COL11A2: variants seen among roughly 807,000 people sequenced by gnomAD.
COL11A2 encodes collagen type XI alpha 2 chain.
Under a neutral mutation model 273.4 loss-of-function variants are expected in COL11A2, and 116 were observed. That is an observed-to-expected ratio of 0.42 (90% CI 0.36 to 0.49). The LOEUF is 0.49. Ranked by LOEUF, COL11A2 falls within the 20% of genes least tolerant of loss-of-function variation. COL11A2 has a pLI of 0.00. For synonymous variants in COL11A2, 782 were observed against 864.2 expected, an observed-to-expected ratio of 0.90 and a Z score of 1.67; for missense variants, 1,866 against 2,309.0, an observed-to-expected ratio of 0.81 and a Z score of 3.93.
In COL11A2 at chr6:33,163,600, G is replaced by A; in HGVS notation, c.*78C>T. 6.2e-7 allele frequency: 1 copy of A among 1,607,122 alleles called. No individual in the cohort carries two copies. The highest frequency in any genetic ancestry group is 2.2e-5 in the East Asian group (1 of 44,806). On this transcript the variant is annotated 3_prime_UTR_variant, in exon 66 of 66. Transcript: ENST00000341947. This position sits in a 1 kb window ranked among gnomAD's most constrained non-coding sequence, Gnocchi z 4.1. ...TCCCTAGATAGTGAGGAGCCCTCTT[G>A]GGAGGTGGCACAGAGCTGATGTTGT... is the stretch of plus-strand genomic sequence containing the variant.
chr6:33,176,561 T>G lies in COL11A2; in HGVS notation c.2116-75A>C, dbSNP rs1770937903. 4 of 1,464,590 alleles carry G rather than the reference T, an allele frequency of 2.7e-6. No homozygotes were observed. In the Admixed American group the frequency reaches 6.9e-5, roughly 25 times the overall value. 90.7% of individuals were successfully genotyped at this position (1,464,590 alleles called of 1,614,324 possible). A position where few individuals can be genotyped will look rare whatever the true frequency, so the allele number is the denominator to read the frequency against. ...TGGGGGCCTCCAGGGGTGGAAGAAATGGAAGTAACAACATTGCTGTCTGGG... is the reference window on the plus strand; with the variant it reads ...TGGGGGCCTCCAGGGGTGGAAGAAAGGGAAGTAACAACATTGCTGTCTGGG... On this transcript the variant is annotated intron_variant, in intron 26 of 65. Coordinates refer to ENST00000341947, the MANE Select transcript of COL11A2 (RefSeq NM_080680.3). The surrounding 1 kb of genome is among the most constrained non-coding windows in gnomAD (Gnocchi z 4.9).
rs1421420013 is a variant in COL11A2, at chr6:33,190,167, G to C, written c.83-698C>G. ...TACAAGAAAGCTCTCCCAGGAGTCT[G>C]TGCCTCCTGGTTTAGGAGATGAGTT... On this transcript the variant is annotated intron_variant, in intron 1 of 65. Coordinates refer to ENST00000341947, the MANE Select transcript of COL11A2 (RefSeq NM_080680.3). The surrounding 1 kb of genome is among the most constrained non-coding windows in gnomAD (Gnocchi z 4.5). 2.0e-5 allele frequency among the ~76,000 whole-genome samples: 3 copies of C among 152,006 alleles called. No homozygotes were observed. Among genetic ancestry groups the C allele is most frequent in the African/African-American group, 7.3e-5 (3 of 41,366 alleles).
Position 33,176,115 on chromosome 6 carries a change from G to A in COL11A2, c.2215-46C>T. ...AGGGCACCACAGATGACAGAGGGCT[G>A]GGGTTCTAATGGGAATTCTGAGAAC... is the stretch of plus-strand genomic sequence containing the variant. On this transcript the variant is annotated intron_variant, in intron 28 of 65. Transcript: ENST00000341947. This position sits in a 1 kb window ranked among gnomAD's most constrained non-coding sequence, Gnocchi z 4.9. 5 of 1,612,000 alleles carry A rather than the reference G, an allele frequency of 3.1e-6. No homozygotes were observed. Among genetic ancestry groups the A allele is most frequent in the Non-Finnish European group, 4.2e-6 (5 of 1,179,070 alleles).
chr6:33,169,994 C>G lies in COL11A2; in HGVS notation c.3636+53G>C. Reference sequence around the variant, plus strand: ...TCCCCACCCAAAATTGGCAGAAATCCAACTCCCATCCCCCACTTCCATGAC... The same window carrying G: ...TCCCCACCCAAAATTGGCAGAAATCGAACTCCCATCCCCCACTTCCATGAC... On this transcript the variant is annotated intron_variant, in intron 49 of 65. Coordinates refer to ENST00000341947, the MANE Select transcript of COL11A2 (RefSeq NM_080680.3). This position sits in a 1 kb window ranked among gnomAD's most constrained non-coding sequence, Gnocchi z 5.5. 1 of 1,612,742 alleles carries G rather than the reference C, an allele frequency of 6.2e-7. No homozygotes were observed. The highest frequency in any genetic ancestry group is 8.5e-7 in the Non-Finnish European group (1 of 1,179,120).
At chr6:33,186,069 C>T (rs1403896478) in intron 5 of COL11A2, among the ~76,000 whole-genome samples, 1 of 151,956 alleles carries the variant, frequency 6.6e-6, no homozygotes, top group African/African-American at 2.4e-5. Flanking sequence ...TGTATTCTAA[C>T]TCTCCAGACC....
In COL11A2 at chr6:33,177,262, A is replaced by AGG. The variant is rs1771053679; in HGVS notation, c.1972-39_1972-38dup. ...GAAAGAGAAGTCACAGGGGCCTCCC[A>AGG]GGGTCTCTTCTATCCAGCCTCCCGG... On this transcript the variant is annotated intron_variant, in intron 23 of 65. Coordinates refer to ENST00000341947, the MANE Select transcript of COL11A2 (RefSeq NM_080680.3). This position sits in a 1 kb window ranked among gnomAD's most constrained non-coding sequence, Gnocchi z 5.9. The AGG allele has an allele frequency of 6.2e-7, 1 of 1,612,524 alleles. No individual in the cohort carries two copies. Among genetic ancestry groups the AGG allele is most frequent in the Non-Finnish European group, 8.5e-7 (1 of 1,179,736 alleles).
chr6:33,178,659 A>C lies in COL11A2; in HGVS notation c.1719+20T>G. 1 of 1,612,242 alleles carries C rather than the reference A, an allele frequency of 6.2e-7. No homozygotes were observed. Among genetic ancestry groups the C allele is most frequent in the Non-Finnish European group, 8.5e-7 (1 of 1,179,666 alleles). On this transcript the variant is annotated intron_variant, in intron 18 of 65. Coordinates refer to ENST00000341947, the MANE Select transcript of COL11A2 (RefSeq NM_080680.3). The surrounding 1 kb of genome is among the most constrained non-coding windows in gnomAD (Gnocchi z 4.6). ...GAAGATCTATCCCCAATTACAACAC[A>C]CACCCACTAATGTACTCACCCTATG...
rs1773010609 is a variant in COL11A2, at chr6:33,190,766, G to A, written c.83-1297C>T. On this transcript the variant is annotated intron_variant, in intron 1 of 65. Coordinates refer to ENST00000341947, the MANE Select transcript of COL11A2 (RefSeq NM_080680.3). The surrounding 1 kb of genome is among the most constrained non-coding windows in gnomAD (Gnocchi z 4.5). ...ACAAGGGCCGCTTTGAGAGACGAAGGGTGAGTGAGACAGAGACACAGAGAC... is the reference window on the plus strand; with the variant it reads ...ACAAGGGCCGCTTTGAGAGACGAAGAGTGAGTGAGACAGAGACACAGAGAC... Among the ~76,000 whole-genome samples the A allele has an allele frequency of 6.6e-6, 1 of 152,190 alleles. No homozygotes were observed. Among genetic ancestry groups the A allele is most frequent in the South Asian group, 2.1e-4 (1 of 4,828 alleles).
Position 33,191,513 on chromosome 6 carries a change from G to A in COL11A2, c.82+646C>T, listed in dbSNP as rs150214265. 6.0e-3 allele frequency among the ~76,000 whole-genome samples: 908 copies of A among 152,346 alleles called. 7 individuals carry two copies. The highest frequency in any genetic ancestry group is 0.011 in the East Asian group (57 of 5,190). ...AGGGGAGCCTGGCTGGCCAGAGGGA[G>A]GAGGGGCTAGGCAGGAATGCAAAGA... On this transcript the variant is annotated intron_variant, in intron 1 of 65. Coordinates refer to ENST00000341947, the MANE Select transcript of COL11A2 (RefSeq NM_080680.3).
chr6:33,168,540 G>T lies in COL11A2; in HGVS notation c.3939C>A (p.Pro1313=). Residue 1313 remains proline, a synonymous_variant, in exon 54 of 66, where the codon CCC becomes CCA. Coordinates refer to ENST00000341947, the MANE Select transcript of COL11A2 (RefSeq NM_080680.3). The part of the protein sequence containing the change: ...GSPGPTGENG[P]PGPLGKRGPA... ...TTACTCGCTTTCCAAGTGGCCCTGG[G>T]GGTCCATTCTCCCCGGTGGGACCAG... 1 of 1,613,630 alleles carries T rather than the reference G, an allele frequency of 6.2e-7. No individual in the cohort carries two copies.
rs550330978 is a variant in COL11A2, at chr6:33,166,521, C to T, written c.4384G>A (p.Gly1462Ser). Residue 1462 changes from glycine (G) to serine (S), a missense_variant, in exon 60 of 66, where the codon GGC becomes AGC. Coordinates refer to ENST00000341947, the MANE Select transcript of COL11A2 (RefSeq NM_080680.3). This position sits in a 1 kb window ranked among gnomAD's most constrained non-coding sequence, Gnocchi z 4.8. ...ACAGAGGCAGTACTCACGGGGAGGC[C>T]GGGGGGACCTCCAGGACCAATGGGG... ...SGPIGPGGPP[G>S]LPGPAGPKGA... 1.8e-5 allele frequency: 29 copies of T among 1,613,510 alleles called. No homozygotes were observed. Among genetic ancestry groups the T allele is most frequent in the Admixed American group, 3.3e-5 (2 of 59,982 alleles).
Position 33,167,143 on chromosome 6 carries a change from C to A in COL11A2, c.4177-20G>T. The A allele has an allele frequency of 6.2e-7, 1 of 1,614,074 alleles. No homozygotes were observed. The highest frequency in any genetic ancestry group is 8.5e-7 in the Non-Finnish European group (1 of 1,179,972). On this transcript the variant is annotated intron_variant, in intron 57 of 65. Coordinates refer to ENST00000341947, the MANE Select transcript of COL11A2 (RefSeq NM_080680.3). This position sits in a 1 kb window ranked among gnomAD's most constrained non-coding sequence, Gnocchi z 6.1. ...GGGTCCCTGTGGAGAGATGGGAAGTCATTCTCTTAAGGGAGAGGTGGGACC... is the reference window on the plus strand; with the variant it reads ...GGGTCCCTGTGGAGAGATGGGAAGTAATTCTCTTAAGGGAGAGGTGGGACC...
intron 41 of COL11A2, 35 bp from the exon 42 acceptor site, chr6:33,171,855 G>A (rs1185271767): frequency 1.7e-5 from 28 of 1,606,144 alleles, no homozygotes; most frequent in Non-Finnish European, 2.3e-5. Context: ...CCAGGAAGGA[G>A]ACACCAGCCC....
At chr6:33,172,714 C>A (rs1429405508) in intron 38 of COL11A2, 77 bp from the exon 39 acceptor site, 2 of 1,251,706 alleles carry the variant, frequency 1.6e-6, no homozygotes, top group Non-Finnish European at 2.3e-6. Flanking sequence ...CCCTGGCCAC[C>A]CTAAAACACT....
Position 33,179,618 on chromosome 6 carries a change from A to T in COL11A2, c.1446+101T>A. 4 of 1,491,534 alleles carry T rather than the reference A, an allele frequency of 2.7e-6. No individual in the cohort carries two copies. The highest frequency in any genetic ancestry group is 3.7e-6 in the Non-Finnish European group (4 of 1,088,632). 92.4% of individuals were successfully genotyped at this position (1,491,534 alleles called of 1,614,324 possible). On this transcript the variant is annotated intron_variant, in intron 13 of 65. Coordinates refer to ENST00000341947, the MANE Select transcript of COL11A2 (RefSeq NM_080680.3). The surrounding 1 kb of genome is among the most constrained non-coding windows in gnomAD (Gnocchi z 6.4). Reference sequence around the variant, plus strand: ...AGGATTCTCCCCAACCTCCCTGTTAACCCCAAACCAACCCAGGCCTCCCCT... The same window carrying T: ...AGGATTCTCCCCAACCTCCCTGTTATCCCCAAACCAACCCAGGCCTCCCCT...
In COL11A2 at chr6:33,171,417, G is replaced by C. The variant is rs184185922; in HGVS notation, c.3258+50C>G. The C allele has an allele frequency of 7.3e-4, 1,177 of 1,608,890 alleles. 4 individuals are homozygous for C. The Middle Eastern group carries it at 0.011, about 15-fold the overall frequency. On this transcript the variant is annotated intron_variant, in intron 43 of 65. Transcript: ENST00000341947. ...GGGGCCAGGGGTCATGCCCAGGTCAGCCATCTCATCTGGAAAGAAGATTGG... is the reference window on the plus strand; with the variant it reads ...GGGGCCAGGGGTCATGCCCAGGTCACCCATCTCATCTGGAAAGAAGATTGG...
Position 33,190,635 on chromosome 6 carries a change from G to A in COL11A2, c.83-1166C>T, listed in dbSNP as rs1772992994. 6.6e-6 allele frequency among the ~76,000 whole-genome samples: 1 copy of A among 152,104 alleles called. No homozygotes were observed. Among genetic ancestry groups the A allele is most frequent in the Non-Finnish European group, 1.5e-5 (1 of 68,010 alleles). On this transcript the variant is annotated intron_variant, in intron 1 of 65. Coordinates refer to ENST00000341947, the MANE Select transcript of COL11A2 (RefSeq NM_080680.3). This position sits in a 1 kb window ranked among gnomAD's most constrained non-coding sequence, Gnocchi z 4.5. Reference sequence around the variant, plus strand: ...GTGGGTGAGGTGGGGCGGGCAGGCAGAGAAAAGGCCCTTTGAGTCCAGGAG... The same window carrying A: ...GTGGGTGAGGTGGGGCGGGCAGGCAAAGAAAAGGCCCTTTGAGTCCAGGAG...
In COL11A2 at chr6:33,166,325, T is replaced by C. The variant is rs3116955; in HGVS notation, c.4393-119A>G. 941,574 of 1,359,380 alleles carry C rather than the reference T, an allele frequency of 0.69. 331,172 individuals are homozygous for C. Among genetic ancestry groups the C allele is most frequent in the East Asian group, 0.98 (39,957 of 40,686 alleles). The allele number at this position is 1,359,380 out of a possible 1,614,324, so 84.2% of individuals were successfully genotyped here. A position where few individuals can be genotyped will look rare whatever the true frequency, so the allele number is the denominator to read the frequency against. On this transcript the variant is annotated intron_variant, in intron 60 of 65. Transcript: ENST00000341947. The surrounding 1 kb of genome is among the most constrained non-coding windows in gnomAD (Gnocchi z 4.8). ...TCGGGTTACTACAGGAGGGGCAGTC[T>C]TGTGGGAATACTAGGACATTCAGAG...
chr6:33,167,943 A>G lies in COL11A2; in HGVS notation c.3961-91T>C, dbSNP rs1769422051. 11 of 1,359,000 alleles carry G rather than the reference A, an allele frequency of 8.1e-6. No individual in the cohort carries two copies. Among genetic ancestry groups the G allele is most frequent in the Non-Finnish European group, 1.1e-5 (11 of 959,918 alleles). The allele number at this position is 1,359,000 out of a possible 1,614,324, so 84.2% of individuals were successfully genotyped here. On this transcript the variant is annotated intron_variant, in intron 54 of 65. Coordinates refer to ENST00000341947, the MANE Select transcript of COL11A2 (RefSeq NM_080680.3). The surrounding 1 kb of genome is among the most constrained non-coding windows in gnomAD (Gnocchi z 6.1). Reference sequence around the variant, plus strand: ...TCCTGTCCTAGACACACACATACACATGCACACACACACGTGCATACACAG... The same window carrying G: ...TCCTGTCCTAGACACACACATACACGTGCACACACACACGTGCATACACAG...
Sources: allele counts gnomAD v4.1 joint callset (sites outside exome capture counted in the v4.1 genomes callset), GRCh38; gene constraint gnomAD v4.1.1; non-coding constraint Gnocchi (gnomAD v3.1); transcripts MANE v1.5; gene names NCBI Gene and HGNC (gene_info 2026-07-23, HGNC 2026-07-21).